The following ADGRD1 variants were observed in gnomAD, a reference collection of about 807,000 sequenced individuals.
The protein encoded by ADGRD1 is G-protein coupled receptor 133.
In ADGRD1, 77 loss-of-function variants were observed where a neutral mutation model predicts 113.4. That is an observed-to-expected ratio of 0.68 (90% CI 0.57 to 0.82). ADGRD1 has a LOEUF of 0.82. Among genes scored for constraint, ADGRD1 ranks in the 40% least tolerant of loss-of-function variants. The pLI is 0.00. For missense variants in ADGRD1, 1,036 were observed against 1,139.1 expected, an observed-to-expected ratio of 0.91 and a Z score of 1.30; for synonymous variants, 474 against 475.0, an observed-to-expected ratio of 1.00 and a Z score of 0.03.
At chr12:131,086,706 C>T (rs1416228288) in intron 15 of ADGRD1, among the ~76,000 whole-genome samples, 3 of 152,222 alleles carry the variant, frequency 2.0e-5, no homozygotes, top group Non-Finnish European at 2.9e-5. Context: ...AGTGTGATCC[C>T]GGCCTCACTG....
intron 15 of ADGRD1, among the ~76,000 whole-genome samples, chr12:131,093,644 C>T (rs971556419): frequency 4.6e-5 from 7 of 152,200 alleles, no homozygotes; most frequent in Admixed American, 2.0e-4. Flanking sequence ...TGCCGGCAGC[C>T]GCAGCATGTA....
At position 130,990,866 on chromosome 12, in the gene ADGRD1, AT is replaced by A. The variant is rs1422915986; in HGVS notation, c.746-145del. ...CAGTCAGCTGATTTCTTAGCCCATA[AT>A]TTATCTCCAGCAACATTCCTACTCA... On this transcript the variant is annotated intron_variant, in intron 6 of 24. Coordinates refer to ENST00000261654, the MANE Select transcript of ADGRD1 (RefSeq NM_198827.5). 6.7e-6 allele frequency: 4 copies of A among 593,930 alleles called. No homozygotes were observed. The African/African-American group carries it at 7.5e-5, about 11-fold the overall frequency. The allele number at this position is 593,930 out of a possible 1,614,324, so 36.8% of individuals were successfully genotyped here.
intron 13 of ADGRD1, among the ~76,000 whole-genome samples, chr12:131,063,369 C>CT (rs1158687095): frequency 7.2e-5 from 11 of 152,194 alleles, no homozygotes; most frequent in African/African-American, 2.4e-4. Flanking sequence ...TCACTAAGAA[C>CT]TTTTCATCAA....
At chr12:131,121,181 T>C (rs942374206) in intron 20 of ADGRD1, among the ~76,000 whole-genome samples, 4 of 152,202 alleles carry the variant, frequency 2.6e-5, no homozygotes, top group African/African-American at 7.2e-5. Flanking sequence ...CACACAGCCC[T>C]GAGAACAGCA....
chr12:131,126,651 T>A (rs1950743196), intron 20 of ADGRD1, among the ~76,000 whole-genome samples: 1 of 152,180 alleles, frequency 6.6e-6, no homozygotes, highest in South Asian at 2.1e-4. Flanking sequence ...CCACCAGAGA[T>A]CACCGTGATC....
At chr12:131,097,410 C>T (rs1301366358) in intron 15 of ADGRD1, among the ~76,000 whole-genome samples, 3 of 152,242 alleles carry the variant, frequency 2.0e-5, no homozygotes, top group Non-Finnish European at 4.4e-5. Context: ...CTCTCCCGTC[C>T]TGCAGCACCC....
chr12:131,050,646 C>T lies in ADGRD1; in HGVS notation c.1474-26155C>T, dbSNP rs150384885. Among the ~76,000 whole-genome samples, 1 of 151,972 alleles carries T rather than the reference C, an allele frequency of 6.6e-6. No homozygotes were observed. The highest frequency in any genetic ancestry group is 1.5e-5 in the Non-Finnish European group (1 of 68,022). On this transcript the variant is annotated intron_variant, in intron 13 of 24. Coordinates refer to ENST00000261654, the MANE Select transcript of ADGRD1 (RefSeq NM_198827.5). The surrounding 1 kb of genome is among the most constrained non-coding windows in gnomAD (Gnocchi z 4.8). Reference sequence around the variant, plus strand: ...TTTTAAGCGACCAGATCCACGAGAACGCATGATCGTGGGGACAGTGCCAAG... The same window carrying T: ...TTTTAAGCGACCAGATCCACGAGAATGCATGATCGTGGGGACAGTGCCAAG...
At chr12:131,017,025 G>A (rs1232123480) in intron 13 of ADGRD1, among the ~76,000 whole-genome samples, 1 of 152,150 alleles carries the variant, frequency 6.6e-6, no homozygotes, top group Non-Finnish European at 1.5e-5. Context: ...AGGGCCTGAG[G>A]GACTTTGAAG....
chr12:131,072,252 GAC>G (rs1439889480), intron 13 of ADGRD1, among the ~76,000 whole-genome samples: 2 of 152,166 alleles, frequency 1.3e-5, no homozygotes, highest in African/African-American at 2.4e-5. Flanking sequence ...TGGAGGGAGG[GAC>G]ACAGTTTAGA....
chr12:131,040,675 T>C (rs547249255), intron 13 of ADGRD1, among the ~76,000 whole-genome samples: 1 of 152,304 alleles, frequency 6.6e-6, no homozygotes, highest in South Asian at 2.1e-4. Flanking sequence ...CCACCCGCCC[T>C]CCAGAGCTGC....
chr12:131,109,326 G>T (rs1950300744), intron 18 of ADGRD1, among the ~76,000 whole-genome samples: 2 of 151,812 alleles, frequency 1.3e-5, no homozygotes, highest in Admixed American at 6.6e-5. Flanking sequence ...TTCTTTTCCA[G>T]TGTGTCGAAG....
intron 20 of ADGRD1, among the ~76,000 whole-genome samples, chr12:131,124,859 C>A (rs927482511): frequency 6.6e-6 from 1 of 152,182 alleles, no homozygotes; most frequent in Admixed American, 6.5e-5. Flanking sequence ...GCCATAGGCC[C>A]GTTATTCCCT....
chr12:131,047,737 A>C (rs967635975), intron 13 of ADGRD1, among the ~76,000 whole-genome samples: 2 of 152,102 alleles, frequency 1.3e-5, no homozygotes, highest in Non-Finnish European at 2.9e-5. Context: ...TAAATTCCCC[A>C]CCTCAGCATT....
intron 13 of ADGRD1, among the ~76,000 whole-genome samples, chr12:131,018,346 C>T (rs1407665084): frequency 6.6e-6 from 1 of 152,202 alleles, no homozygotes; most frequent in East Asian, 1.9e-4. Context: ...GGGGCATCGG[C>T]TCGGGTTTTG....
chr12:130,962,892 G>A (rs1482073880), intron 2 of ADGRD1: 2 of 152,148 alleles, frequency 1.3e-5, no homozygotes, highest in Non-Finnish European at 2.9e-5. Flanking sequence ...GATGTTGGGC[G>A]CCCTGTGAAC....
At chr12:131,044,208 T>C (rs1593107910) in intron 13 of ADGRD1, among the ~76,000 whole-genome samples, 1 of 152,176 alleles carries the variant, frequency 6.6e-6, no homozygotes, top group Non-Finnish European at 1.5e-5. Flanking sequence ...TGGGAAGTGG[T>C]GTTAGGACCA....
chr12:131,090,015 T>G (rs1458689465), intron 15 of ADGRD1, among the ~76,000 whole-genome samples: 1 of 152,086 alleles, frequency 6.6e-6, no homozygotes, highest in African/African-American at 2.4e-5. Flanking sequence ...TTTTGTGTGT[T>G]GTGTGTTTGT....
chr12:130,974,127 G>A (rs77787869), intron 4 of ADGRD1, among the ~76,000 whole-genome samples: 215 of 152,256 alleles, frequency 1.4e-3, no homozygotes, highest in Non-Finnish European at 2.1e-3. Flanking sequence ...TGCCTTTCCC[G>A]CTTTCCTCTG....
Position 131,131,802 on chromosome 12 carries a change from C to A in ADGRD1, c.2253C>A (p.Asp751Glu), listed in dbSNP as rs147763331. The change falls in exon 21 of 25, where the codon GAC becomes GAA. Residue 751 changes from aspartate (D) to glutamate (E), a missense_variant. Coordinates refer to ENST00000261654, the MANE Select transcript of ADGRD1 (RefSeq NM_198827.5). ...ISADNYKIHG[D>E]PSAFKLTAKA... Reference sequence around the variant, plus strand: ...CCGACAACTACAAGATCCATGGAGACCCCAGTGCCTTCAAGTAAGTTGACC... The same window carrying A: ...CCGACAACTACAAGATCCATGGAGAACCCAGTGCCTTCAAGTAAGTTGACC... 9.3e-5 allele frequency: 149 copies of A among 1,610,392 alleles called. No individual in the cohort carries two copies. The African/African-American group carries it at 1.6e-3, about 17-fold the overall frequency.
Sources: allele counts gnomAD v4.1 joint callset (sites outside exome capture counted in the v4.1 genomes callset), GRCh38; gene constraint gnomAD v4.1.1; non-coding constraint Gnocchi (gnomAD v3.1); transcripts MANE v1.5; gene names NCBI Gene and HGNC (gene_info 2026-07-23, HGNC 2026-07-21).